PCDHGA2: variants seen among roughly 807,000 people sequenced by gnomAD.
PCDHGA2 encodes the protein protocadherin gamma subfamily A, 2.
PCDHGA2 carries 40 observed loss-of-function variants against 59.2 expected under a neutral mutation model. That is an observed-to-expected ratio of 0.68 (90% CI 0.52 to 0.88). The LOEUF (loss-of-function observed/expected upper bound fraction) is 0.88, where lower values mean the gene tolerates loss of function less well. Ranked by LOEUF, PCDHGA2 falls within the 40% of genes least tolerant of loss-of-function variation. The probability of loss-of-function intolerance (pLI) is 0.00; values close to 1 mark genes in which losing one functional copy is unlikely to be tolerated. For missense variants in PCDHGA2, 1,226 were observed against 1,204.0 expected, an observed-to-expected ratio of 1.02 and a Z score of -0.27; for synonymous variants, 560 against 526.0, an observed-to-expected ratio of 1.06 and a Z score of -0.89.
chr5:141,458,340 G>C (rs4551132), intron 1 of PCDHGA2, among the ~76,000 whole-genome samples: 42,372 of 151,882 alleles, frequency 0.28, 6,646 homozygotes, highest in African/African-American at 0.43. Context: ...TTTAAGGAGT[G>C]GAGAGTTTAA....
At position 141,351,467 on chromosome 5, in the gene PCDHGA2, G is replaced by T. The variant is rs774231320; in HGVS notation, c.2424+10072G>T. ...GAAGAATTATTACAAGCTGGTGATT[G>T]CTGGAGCCCTAAACCGGGAGCAGAC... On this transcript the variant is annotated intron_variant, in intron 1 of 3. Coordinates refer to ENST00000394576, the MANE Select transcript of PCDHGA2 (RefSeq NM_018915.4). The T allele has an allele frequency of 6.2e-6, 10 of 1,613,546 alleles. No homozygotes were observed. The East Asian group carries it at 1.8e-4, about 29-fold the overall frequency.
intron 1 of PCDHGA2, among the ~76,000 whole-genome samples, chr5:141,479,077 A>G (rs1393042749): frequency 6.6e-6 from 1 of 152,224 alleles, no homozygotes; most frequent in Non-Finnish European, 1.5e-5. Context: ...ATGAAATGAA[A>G]TTCCAGGCAT....
In PCDHGA2 at chr5:141,477,031, A is replaced by C; in HGVS notation, c.2425-17776A>C. Reference sequence around the variant, plus strand: ...TAGACCTTGTAACCGGGATGCTGACAATCAAGGGTCGGCTGGACTTCGAGG... The same window carrying C: ...TAGACCTTGTAACCGGGATGCTGACCATCAAGGGTCGGCTGGACTTCGAGG... On this transcript the variant is annotated intron_variant, in intron 1 of 3. Coordinates refer to ENST00000394576, the MANE Select transcript of PCDHGA2 (RefSeq NM_018915.4). This position sits in a 1 kb window ranked among gnomAD's most constrained non-coding sequence, Gnocchi z 4.9. The C allele has an allele frequency of 6.2e-7, 1 of 1,614,248 alleles. No individual in the cohort carries two copies. Among genetic ancestry groups the C allele is most frequent in the Non-Finnish European group, 8.5e-7 (1 of 1,180,040 alleles).
At chr5:141,447,400 A>G (rs904985523) in intron 1 of PCDHGA2, among the ~76,000 whole-genome samples, 1 of 152,090 alleles carries the variant, frequency 6.6e-6, no homozygotes, top group Non-Finnish European at 1.5e-5. Flanking sequence ...GGCCTCCCAA[A>G]GTGCTGGGAT....
intron 2 of PCDHGA2, among the ~76,000 whole-genome samples, chr5:141,499,800 C>A (rs2099794584): frequency 6.6e-6 from 1 of 150,704 alleles, no homozygotes; most frequent in Admixed American, 6.7e-5. Context: ...AATTCTCATG[C>A]TTCAGCCTCC....
At chr5:141,372,318 C>T (rs1768657000) in intron 1 of PCDHGA2, 2 of 1,613,632 alleles carry the variant, frequency 1.2e-6, no homozygotes, top group Non-Finnish European at 1.7e-6. Context: ...CCGCCAGCGC[C>T]TGCTGGTCAC....
chr5:141,408,575 G>A (rs1300122367), intron 1 of PCDHGA2: 4 of 1,613,918 alleles, frequency 2.5e-6, no homozygotes, highest in East Asian at 2.2e-5. Context: ...GGTGATTGAG[G>A]ATGTTAATGA....
intron 1 of PCDHGA2, chr5:141,375,627 A>T (rs1561569034): frequency 6.2e-7 from 1 of 1,614,066 alleles, no homozygotes; most frequent in Non-Finnish European, 8.5e-7. Flanking sequence ...GGGATTCTGT[A>T]CGCCCTGCGC....
chr5:141,432,235 T>C lies in PCDHGA2; in HGVS notation c.2425-62572T>C, dbSNP rs1240828849. 1 of 1,614,102 alleles carries C rather than the reference T, an allele frequency of 6.2e-7. No individual in the cohort carries two copies. The highest frequency in any genetic ancestry group is 8.5e-7 in the Non-Finnish European group (1 of 1,180,050). ...ACGCCCAGATCACTTATTCCCTGGC[T>C]GAGAACACCATCCAAGGGGCAAGCC... On this transcript the variant is annotated intron_variant, in intron 1 of 3. Transcript: ENST00000394576. The surrounding 1 kb of genome is among the most constrained non-coding windows in gnomAD (Gnocchi z 6.0).
intron 1 of PCDHGA2, chr5:141,384,288 G>C: frequency 6.2e-7 from 1 of 1,613,784 alleles, no homozygotes; most frequent in South Asian, 1.1e-5. Flanking sequence ...ACATCGCTGA[G>C]AACAACCCCA....
intron 1 of PCDHGA2, chr5:141,426,420 C>T (rs2096934904): frequency 3.5e-6 from 1 of 287,972 alleles, no homozygotes; most frequent in Non-Finnish European, 6.9e-6. Flanking sequence ...TCCAGGGCTC[C>T]GTGGTGGGGA....
intron 1 of PCDHGA2, among the ~76,000 whole-genome samples, chr5:141,472,405 G>A (rs1207849470): frequency 6.6e-6 from 1 of 152,086 alleles, no homozygotes; most frequent in Non-Finnish European, 1.5e-5. Flanking sequence ...GCCAGGCGTG[G>A]TGGCACGCAC....
At chr5:141,362,257 A>C (rs1199610495) in intron 1 of PCDHGA2, 5 of 1,613,784 alleles carry the variant, frequency 3.1e-6, no homozygotes. Context: ...CCTCGCGGTG[A>C]TTCTGGCAAT....
At chr5:141,372,205 T>C (rs750507972) in intron 1 of PCDHGA2, 2 of 1,613,426 alleles carry the variant, frequency 1.2e-6, no homozygotes, top group African/African-American at 2.7e-5. Context: ...AACGCCTGGC[T>C]GTCCTACCAC....
At chr5:141,361,233 C>G in intron 1 of PCDHGA2, 1 of 1,613,952 alleles carries the variant, frequency 6.2e-7, no homozygotes, top group Non-Finnish European at 8.5e-7. Flanking sequence ...GAACAGTGAT[C>G]GCCTTGATAA....
Position 141,489,653 on chromosome 5 carries a change from G to C in PCDHGA2, c.2425-5154G>C. ...TCTCCTAGCTTTGCCACCCCTGAGCGAGAGATGCGCATCTCAGAATCAGCA... is the reference window on the plus strand; with the variant it reads ...TCTCCTAGCTTTGCCACCCCTGAGCCAGAGATGCGCATCTCAGAATCAGCA... On this transcript the variant is annotated intron_variant, in intron 1 of 3. Coordinates refer to ENST00000394576, the MANE Select transcript of PCDHGA2 (RefSeq NM_018915.4). The surrounding 1 kb of genome is among the most constrained non-coding windows in gnomAD (Gnocchi z 4.5). 3 of 1,614,164 alleles carry C rather than the reference G, an allele frequency of 1.9e-6. No individual in the cohort carries two copies. The highest frequency in any genetic ancestry group is 2.5e-6 in the Non-Finnish European group (3 of 1,180,018).
At chr5:141,371,295 C>G (rs1362756223) in intron 1 of PCDHGA2, 3 of 1,613,880 alleles carry the variant, frequency 1.9e-6, no homozygotes, top group Non-Finnish European at 2.5e-6. Context: ...AACGGGGGAA[C>G]TCACCACTAT....
At chr5:141,417,179 A>C (rs1015183950) in intron 1 of PCDHGA2, 1 of 152,194 alleles carries the variant, frequency 6.6e-6, no homozygotes, top group African/African-American at 2.4e-5. Context: ...GAAATAAGGA[A>C]TTATTACTTT....
At chr5:141,366,357 G>T in intron 1 of PCDHGA2, 1 of 1,614,020 alleles carries the variant, frequency 6.2e-7, no homozygotes, top group South Asian at 1.1e-5. Context: ...GCTGACCTAG[G>T]CAGTATCAAG....
Sources: allele counts gnomAD v4.1 joint callset (sites outside exome capture counted in the v4.1 genomes callset), GRCh38; gene constraint gnomAD v4.1.1; non-coding constraint Gnocchi (gnomAD v3.1); transcripts MANE v1.5; gene names NCBI Gene and HGNC (gene_info 2026-07-23, HGNC 2026-07-21).